HERC5: variants seen among roughly 807,000 people sequenced by gnomAD.
The protein encoded by HERC5 is E3 ISG15--protein ligase HERC5.
HERC5 carries 99 observed loss-of-function variants against 119.6 expected under a neutral mutation model. That is an observed-to-expected ratio of 0.83 (90% CI 0.70 to 0.98). The LOEUF is 0.98. HERC5 is among the 50% of genes least tolerant of loss of function. The pLI, the probability that HERC5 is intolerant of heterozygous loss-of-function variation, is 0.00. For missense variants in HERC5, 1,267 were observed against 1,241.3 expected, an observed-to-expected ratio of 1.02 and a Z score of -0.31; for synonymous variants, 478 against 445.9, an observed-to-expected ratio of 1.07 and a Z score of -0.91.
At chr4:88,459,754 G>A (rs1740350168) in intron 2 of HERC5, among the ~76,000 whole-genome samples, 1 of 151,952 alleles carries the variant, frequency 6.6e-6, no homozygotes, top group Admixed American at 6.6e-5. Context: ...TAAATTTCTG[G>A]AAATAAAAGT....
intron 11 of HERC5, chr4:88,473,125 G>C (rs1740934842): frequency 6.6e-6 from 1 of 151,750 alleles, no homozygotes; most frequent in African/African-American, 2.4e-5. Context: ...GGAGTCCAGT[G>C]GTGCGATCTC....
At chr4:88,466,715 A>G (rs902363318) in intron 6 of HERC5, among the ~76,000 whole-genome samples, 1 of 152,252 alleles carries the variant, frequency 6.6e-6, no homozygotes, top group African/African-American at 2.4e-5. Flanking sequence ...TGGGAACTCA[A>G]CTGAGTCTTC....
At chr4:88,500,282 C>T (rs1238405577) in intron 19 of HERC5, among the ~76,000 whole-genome samples, 1 of 152,188 alleles carries the variant, frequency 6.6e-6, no homozygotes, top group Non-Finnish European at 1.5e-5. Flanking sequence ...CAGTCACTGG[C>T]AGGCTGGTTG....
At position 88,459,365 on chromosome 4, in the gene HERC5, A is replaced by G. The variant is rs1342914670; in HGVS notation, c.284A>G (p.Lys95Arg). The G allele has an allele frequency of 6.9e-6, 11 of 1,585,412 alleles. No homozygotes were observed. The highest frequency in any genetic ancestry group is 9.4e-6 in the Non-Finnish European group (11 of 1,170,362). ...TCTGTAGAATGCATTAAATTAGGAAAAAACATGAAGATACATTCCGTGGAC... is the reference window on the plus strand; with the variant it reads ...TCTGTAGAATGCATTAAATTAGGAAGAAACATGAAGATACATTCCGTGGAC... ...ARTPKCIKLG[K>R]NMKIHSVDQG... is the part of the protein sequence containing the mutation. Residue 95 changes from lysine (K) to arginine (R), a missense_variant, in exon 2 of 23, where the codon AAA (lysine) becomes AGA (arginine). Lys to Arg is a conservative substitution (Grantham distance 26). Coordinates refer to ENST00000264350, the MANE Select transcript of HERC5 (RefSeq NM_016323.4).
chr4:88,470,759 C>T lies in HERC5; in HGVS notation c.1298+86C>T, dbSNP rs1027901339. 16 of 615,032 alleles carry T rather than the reference C, an allele frequency of 2.6e-5. No homozygotes were observed. In the African/African-American group the frequency reaches 2.7e-4, roughly 10 times the overall value. 38.1% of individuals were successfully genotyped at this position (615,032 alleles called of 1,614,324 possible). A position where few individuals can be genotyped will look rare whatever the true frequency, so the allele number is the denominator to read the frequency against. Reference sequence around the variant, plus strand: ...AAAAAATGATTGGAGAGTAAAATAGCTGTGTGTTCATCCCTTTTTAAAAAT... The same window carrying T: ...AAAAAATGATTGGAGAGTAAAATAGTTGTGTGTTCATCCCTTTTTAAAAAT... On this transcript the variant is annotated intron_variant, in intron 10 of 22. Transcript: ENST00000264350.
rs1283328143 is a variant in HERC5 at position 88,457,287 on chromosome 4, G to A, written c.18G>A (p.Arg6=). The A allele has an allele frequency of 4.4e-6, 6 of 1,357,420 alleles. No homozygotes were observed. The highest frequency in any genetic ancestry group is 5.7e-6 in the Non-Finnish European group (6 of 1,061,118). The allele number at this position is 1,357,420 out of a possible 1,614,324, so 84.1% of individuals were successfully genotyped here. Residue 6 remains arginine, a synonymous_variant, in exon 1 of 23, where the codon CGG becomes CGA. Transcript: ENST00000264350. MERRS[R]RKSRRNGRST... ...AAGCGGCGATGGAGCGGAGGTCGCGGAGGAAGTCGCGGCGCAACGGGCGCT... is the reference window on the plus strand; with the variant it reads ...AAGCGGCGATGGAGCGGAGGTCGCGAAGGAAGTCGCGGCGCAACGGGCGCT...
At chr4:88,481,041 C>A (rs140090204) in intron 13 of HERC5, among the ~76,000 whole-genome samples, 191 of 152,076 alleles carry the variant, frequency 1.3e-3, no homozygotes, top group African/African-American at 4.3e-3. Flanking sequence ...TTGTTTTAAA[C>A]TTCTTTTCTC....
intron 13 of HERC5, 25 bp downstream of exon 13, chr4:88,479,532 G>A: frequency 6.6e-7 from 1 of 1,524,964 alleles, no homozygotes; most frequent in Non-Finnish European, 8.8e-7. Flanking sequence ...AGAAACCTCT[G>A]TGTTTTTATC....
intron 4 of HERC5, 149 bp downstream of exon 4, chr4:88,462,505 C>G: frequency 1.5e-6 from 1 of 676,016 alleles, no homozygotes; most frequent in African/African-American, 1.8e-5. Flanking sequence ...CAGAATCAGT[C>G]CAAGAGGCAT....
chr4:88,505,344 T>G (rs964533285), intron 22 of HERC5, among the ~76,000 whole-genome samples: 1 of 152,206 alleles, frequency 6.6e-6, no homozygotes, highest in Non-Finnish European at 1.5e-5. Flanking sequence ...AGCCTGGCTC[T>G]CTCTCCTTAT....
chr4:88,470,174 A>G (rs141369302), intron 9 of HERC5, among the ~76,000 whole-genome samples: 2 of 152,368 alleles, frequency 1.3e-5, no homozygotes, highest in East Asian at 3.9e-4. Context: ...TTTGCAGAGC[A>G]TAAATAATTA....
chr4:88,471,153 A>G (rs1331217441), intron 10 of HERC5, among the ~76,000 whole-genome samples: 1 of 151,614 alleles, frequency 6.6e-6, no homozygotes, highest in Non-Finnish European at 1.5e-5. Flanking sequence ...ATTTTTTTGT[A>G]GAGCCAGAGT....
At chr4:88,494,385 A>G (rs908061976) in intron 18 of HERC5, 54 bp downstream of exon 18, 41 of 1,420,476 alleles carry the variant, frequency 2.9e-5, no homozygotes, top group Non-Finnish European at 4.0e-5. Flanking sequence ...ATTTAGGCAA[A>G]TATTTAAGTA....
At chr4:88,464,113 T>G in intron 6 of HERC5, 128 bp downstream of exon 6, 1 of 674,444 alleles carries the variant, frequency 1.5e-6, no homozygotes, top group Non-Finnish European at 2.3e-6. Flanking sequence ...ATGCTTAATT[T>G]ATATTATTTA....
intron 15 of HERC5, among the ~76,000 whole-genome samples, chr4:88,488,284 T>G (rs1741532153): frequency 6.7e-6 from 1 of 149,830 alleles, no homozygotes; most frequent in Non-Finnish European, 1.5e-5. Flanking sequence ...CAGACTGGAG[T>G]GCAGTGGCAT....
At chr4:88,485,064 G>T (rs529526806) in intron 13 of HERC5, among the ~76,000 whole-genome samples, 1 of 151,522 alleles carries the variant, frequency 6.6e-6, no homozygotes, top group Non-Finnish European at 1.5e-5. Context: ...AAAAGGGAAA[G>T]GTTAATGAAA....
intron 19 of HERC5, 65 bp downstream of exon 19, chr4:88,500,057 T>A: frequency 2.1e-6 from 2 of 962,976 alleles, no homozygotes; most frequent in South Asian, 1.5e-5. Context: ...CATATTTAAC[T>A]AAACATGTCA....
chr4:88,465,408 T>TA (rs1048501003), intron 6 of HERC5, among the ~76,000 whole-genome samples: 1 of 152,206 alleles, frequency 6.6e-6, no homozygotes, highest in African/African-American at 2.4e-5. Context: ...ACCATTCTTA[T>TA]AAAAAACTAG....
intron 2 of HERC5, 119 bp from the exon 3 acceptor site, chr4:88,459,976 C>G (rs544109209): frequency 1.9e-5 from 11 of 572,288 alleles, no homozygotes; most frequent in Non-Finnish European, 3.4e-5. Flanking sequence ...GAATGTGATG[C>G]AGTAAATTGA....
Sources: allele counts gnomAD v4.1 joint callset (sites outside exome capture counted in the v4.1 genomes callset), GRCh38; gene constraint gnomAD v4.1.1; transcripts MANE v1.5; gene names NCBI Gene and HGNC (gene_info 2026-07-23, HGNC 2026-07-21).